AGPAT3: variants seen among roughly 807,000 people sequenced by gnomAD.
AGPAT3 encodes 1-acylglycerol-3-phosphate O-acyltransferase 3, also known as 1-acyl-sn-glycerol-3-phosphate acyltransferase gamma.
In AGPAT3, 5 loss-of-function variants were observed where a neutral mutation model predicts 47.3. The observed-to-expected ratio is 0.11, with a 90% CI of 0.06 to 0.22. The LOEUF (loss-of-function observed/expected upper bound fraction) is 0.22. AGPAT3 is among the 10% of genes least tolerant of loss of function. AGPAT3 has a pLI of 1.00. For synonymous variants in AGPAT3, 212 were observed against 208.3 expected (o/e 1.02, Z -0.15); for missense variants, 315 against 493.0 (o/e 0.64, Z 3.42).
chr21:43,937,495 C>T (rs1021186347), intron 2 of AGPAT3, among the ~76,000 whole-genome samples: 2 of 152,234 alleles, frequency 1.3e-5, no homozygotes, highest in Admixed American at 6.5e-5. Context: ...GACATCGTGG[C>T]TGCCTCTGCA....
chr21:43,872,986 C>A (rs1011847878), intron 1 of AGPAT3, among the ~76,000 whole-genome samples: 3 of 152,258 alleles, frequency 2.0e-5, no homozygotes, highest in Non-Finnish European at 2.9e-5. Flanking sequence ...AGAGCTGCGG[C>A]CTCCCCCTGC....
intron 1 of AGPAT3, among the ~76,000 whole-genome samples, chr21:43,893,780 C>T (rs2086152041): frequency 6.6e-6 from 1 of 152,152 alleles, no homozygotes; most frequent in Non-Finnish European, 1.5e-5. Flanking sequence ...CATGCACGAC[C>T]TTTTTCCACT....
chr21:43,980,292 CAAAA>C (rs1054360752), intron 8 of AGPAT3, among the ~76,000 whole-genome samples: 36 of 117,444 alleles, frequency 3.1e-4, no homozygotes, highest in African/African-American at 1.5e-3. Flanking sequence ...AAAAAAAAAA[CAAAA>C]AAAAACGAGA....
intron 8 of AGPAT3, among the ~76,000 whole-genome samples, chr21:43,980,302 C>T (rs1044144535): frequency 7.1e-6 from 1 of 141,220 alleles, no homozygotes; most frequent in African/African-American, 2.7e-5. Context: ...CAAAAAAAAA[C>T]GAGAGAGTTG....
At position 43,891,853 on chromosome 21, in the gene AGPAT3, C is replaced by T. The variant is rs563406465; in HGVS notation, c.-111-12104C>T. ...AACTATTAATGTTGATATTTTGACC[C>T]CCTCCCATGAATCATGCGTCTTCTT... is the stretch of plus-strand genomic sequence containing the variant. On this transcript the variant is annotated intron_variant, in intron 1 of 9. Transcript: ENST00000291572. 7.9e-5 allele frequency among the ~76,000 whole-genome samples: 12 copies of T among 152,230 alleles called. No individual in the cohort carries two copies. In the South Asian group the frequency reaches 2.1e-3, roughly 26 times the overall value.
At chr21:43,885,469 A>G (rs1601216108) in intron 1 of AGPAT3, among the ~76,000 whole-genome samples, 1 of 149,554 alleles carries the variant, frequency 6.7e-6, no homozygotes, top group South Asian at 2.1e-4. Context: ...GCTCACTGCA[A>G]CCTCCACCTC....
chr21:43,983,671 A>G lies in AGPAT3; in HGVS notation c.*1279A>G, dbSNP rs905174619. The G allele has an allele frequency of 2.6e-5, 4 of 151,766 alleles. No homozygotes were observed. The East Asian group carries it at 7.8e-4, about 30-fold the overall frequency. 9.4% of individuals were successfully genotyped at this position (151,766 alleles called of 1,614,324 possible). A position where few individuals can be genotyped will look rare whatever the true frequency, so the allele number is the denominator to read the frequency against. On this transcript the variant is annotated 3_prime_UTR_variant, in exon 10 of 10. Transcript: ENST00000291572. Reference sequence around the variant, plus strand: ...GGATGCTTCTCCCTACAGCATGTCCACTCCCCCGGCATGGCCAGGTGGGGC... The same window carrying G: ...GGATGCTTCTCCCTACAGCATGTCCGCTCCCCCGGCATGGCCAGGTGGGGC...
At chr21:43,886,346 C>T (rs1033964108) in intron 1 of AGPAT3, among the ~76,000 whole-genome samples, 5 of 152,052 alleles carry the variant, frequency 3.3e-5, no homozygotes, top group East Asian at 3.9e-4. Context: ...CTCTGCCTCC[C>T]GGGTTCAAGT....
intron 2 of AGPAT3, among the ~76,000 whole-genome samples, chr21:43,911,608 G>A (rs1410022000): frequency 6.6e-6 from 1 of 152,210 alleles, no homozygotes; most frequent in Non-Finnish European, 1.5e-5. Flanking sequence ...CATAAAGGTG[G>A]CAAGGAGGCC....
chr21:43,953,090 C>T (rs1246301162), intron 2 of AGPAT3, among the ~76,000 whole-genome samples: 3 of 152,186 alleles, frequency 2.0e-5, no homozygotes, highest in African/African-American at 7.2e-5. Context: ...ATGTTGAACC[C>T]GAGTTAATTG....
intron 1 of AGPAT3, among the ~76,000 whole-genome samples, chr21:43,875,929 C>A (rs1050072479): frequency 3.3e-5 from 5 of 151,948 alleles, no homozygotes; most frequent in Non-Finnish European, 7.4e-5. Flanking sequence ...AATATTTAAC[C>A]TGTTATTGTT....
intron 1 of AGPAT3, among the ~76,000 whole-genome samples, chr21:43,868,900 C>T (rs770361866): frequency 6.6e-6 from 1 of 152,156 alleles, no homozygotes; most frequent in East Asian, 1.9e-4. Context: ...AGCGTCTCAG[C>T]TTGGGCAAAT....
Position 43,984,883 on chromosome 21 carries a change from ACT to A in AGPAT3, c.*2494_*2495del. The A allele has an allele frequency of 2.9e-6, 1 of 340,368 alleles. No individual in the cohort carries two copies. The allele number at this position is 340,368 out of a possible 1,614,324, so 21.1% of individuals were successfully genotyped here. A position where few individuals can be genotyped will look rare whatever the true frequency, so the allele number is the denominator to read the frequency against. On this transcript the variant is annotated 3_prime_UTR_variant, in exon 10 of 10. Transcript: ENST00000291572. ...CAGGCTGAGTGCTCAGGCTGAAGCA[ACT>A]CTGTAGCCCACAGTCCGTGCTGGCC... is the stretch of plus-strand genomic sequence containing the variant.
rs2089688837 is a variant in AGPAT3 at position 43,978,101 on chromosome 21, C to T, written c.823C>T (p.His275Tyr). 1 of 1,613,620 alleles carries T rather than the reference C, an allele frequency of 6.2e-7. No individual in the cohort carries two copies. The highest frequency in any genetic ancestry group is 1.1e-5 in the South Asian group (1 of 90,978). The change falls in exon 8 of 10, where the codon CAT becomes TAT. Residue 275 changes from histidine (H) to tyrosine (Y), a missense_variant. Transcript: ENST00000291572. Reference sequence around the variant, plus strand: ...TGAAAAGGAAGCAGCTCAGTGGCTTCATAAACTGTACCAGGAGAAGGTAAG... The same window carrying T: ...TGAAAAGGAAGCAGCTCAGTGGCTTTATAAACTGTACCAGGAGAAGGTAAG... ...LDEKEAAQWL[H>Y]KLYQEKDALQ...
chr21:43,871,582 G>C (rs145016636), intron 1 of AGPAT3, among the ~76,000 whole-genome samples: 3 of 152,134 alleles, frequency 2.0e-5, no homozygotes, highest in African/African-American at 7.2e-5. Context: ...GTTGATTTTC[G>C]CAAAGCTGGT....
chr21:43,969,315 T>C, intron 5 of AGPAT3, 36 bp downstream of exon 5: 1 of 1,609,358 alleles, frequency 6.2e-7, no homozygotes, highest in Non-Finnish European at 8.5e-7. Flanking sequence ...CCTGCATGCC[T>C]GGAGGAGGCC....
intron 7 of AGPAT3, among the ~76,000 whole-genome samples, chr21:43,977,515 A>G (rs896269920): frequency 2.6e-5 from 4 of 152,122 alleles, no homozygotes; most frequent in Non-Finnish European, 4.4e-5. Flanking sequence ...TCTCGCCGCC[A>G]TGCCACGCTG....
chr21:43,949,184 T>C (rs1203685890), intron 2 of AGPAT3, among the ~76,000 whole-genome samples: 5 of 152,232 alleles, frequency 3.3e-5, no homozygotes. Flanking sequence ...TTCAGTTATA[T>C]ATTTAGGTTT....
At chr21:43,885,623 A>T (rs1434186690) in intron 1 of AGPAT3, among the ~76,000 whole-genome samples, 3 of 152,068 alleles carry the variant, frequency 2.0e-5, no homozygotes, top group Non-Finnish European at 4.4e-5. Flanking sequence ...ACCTCAAGTG[A>T]TCCACCCGCC....
Sources: gnomAD v4.1 joint callset for allele counts (sites outside exome capture counted in the v4.1 genomes callset) on GRCh38, gnomAD v4.1.1 for gene constraint, MANE v1.5 for transcripts, NCBI Gene and HGNC (gene_info 2026-07-23, HGNC 2026-07-21) for gene names.